Variants in EPC2 observed in about 807,000 individuals in gnomAD.
EPC2 encodes the protein enhancer of polycomb 2, also known as enhancer of polycomb homolog 2.
A neutral mutation model predicts 92.1 loss-of-function variants in EPC2; 14 were observed. The ratio of observed to expected loss-of-function variants is 0.15; its 90% confidence interval spans 0.10 to 0.24. The LOEUF (loss-of-function observed/expected upper bound fraction) is 0.24, where lower values mean the gene tolerates loss of function less well. EPC2 is among the 10% of genes least tolerant of loss of function. The probability of loss-of-function intolerance (pLI) is 1.00; values close to 1 mark genes in which losing one functional copy is unlikely to be tolerated. For missense variants in EPC2, 755 were observed against 971.5 expected (o/e 0.78, Z 2.96); for synonymous variants, 340 against 334.7 (o/e 1.02, Z -0.17).
chr2:148,688,421 G>A (rs1681573577), intron 1 of EPC2, among the ~76,000 whole-genome samples: 1 of 152,118 alleles, frequency 6.6e-6, no homozygotes, highest in African/African-American at 2.4e-5. Flanking sequence ...GTGGGATGGG[G>A]GGAGGGGGGA....
intron 1 of EPC2, among the ~76,000 whole-genome samples, chr2:148,667,748 G>A (rs934639113): frequency 6.6e-6 from 1 of 152,190 alleles, no homozygotes; most frequent in African/African-American, 2.4e-5. Flanking sequence ...TCTGTGTGAT[G>A]TTAGTTGTAG....
chr2:148,693,010 A>G (rs1302367505), intron 2 of EPC2, among the ~76,000 whole-genome samples: 1 of 152,070 alleles, frequency 6.6e-6, no homozygotes, highest in Non-Finnish European at 1.5e-5. Context: ...AGTTTCTCAG[A>G]TTTTTATATG....
intron 9 of EPC2, 23 bp from the exon 10 acceptor site, chr2:148,771,021 T>C (rs1485373946): frequency 6.3e-7 from 1 of 1,592,040 alleles, no homozygotes; most frequent in Non-Finnish European, 8.5e-7. Context: ...TCAGTTAATA[T>C]TTGGTTTTAT....
chr2:148,645,299 C>T (rs1160336109), intron 1 of EPC2, 129 bp downstream of exon 1: 4 of 828,732 alleles, frequency 4.8e-6, no homozygotes, highest in Admixed American at 6.2e-5. Context: ...GCACGGGACT[C>T]TACGCCGGCG....
chr2:148,719,560 C>G (rs558875072), intron 2 of EPC2, among the ~76,000 whole-genome samples: 42 of 152,300 alleles, frequency 2.8e-4, no homozygotes, highest in Admixed American at 2.0e-3. Flanking sequence ...GGAGGTATCA[C>G]CAGTGACGCC....
intron 2 of EPC2, among the ~76,000 whole-genome samples, chr2:148,701,431 C>T (rs776656441): frequency 2.1e-4 from 32 of 152,132 alleles, no homozygotes; most frequent in Admixed American, 5.2e-4. Context: ...AGAAATTCTC[C>T]TCTATTCTTA....
intron 2 of EPC2, among the ~76,000 whole-genome samples, chr2:148,710,980 G>A (rs542911494): frequency 2.4e-4 from 36 of 152,144 alleles, no homozygotes; most frequent in African/African-American, 7.2e-4. Flanking sequence ...ATTTCATTCA[G>A]TCTCTCTTTT....
intron 2 of EPC2, among the ~76,000 whole-genome samples, chr2:148,710,953 C>T (rs975794362): frequency 4.6e-5 from 7 of 152,112 alleles, no homozygotes; most frequent in African/African-American, 1.4e-4. Context: ...ATCTCCCCCA[C>T]GGATATCCTC....
intron 3 of EPC2, among the ~76,000 whole-genome samples, chr2:148,747,724 A>G (rs2105411239): frequency 6.6e-6 from 1 of 152,058 alleles, no homozygotes; most frequent in African/African-American, 2.4e-5. Context: ...TGACCAGGAC[A>G]TTTTCCTGAT....
intron 1 of EPC2, among the ~76,000 whole-genome samples, chr2:148,658,605 G>GTATA (rs1410626325): frequency 1.1e-3 from 22 of 20,698 alleles, no homozygotes; most frequent in Admixed American, 2.6e-3. Flanking sequence ...GTGTGTGTGT[G>GTATA]TGTATATATA....
intron 2 of EPC2, among the ~76,000 whole-genome samples, chr2:148,720,208 T>C (rs546996733): frequency 6.6e-6 from 1 of 152,344 alleles, no homozygotes; most frequent in African/African-American, 2.4e-5. Context: ...AGAAGTAATC[T>C]GGTCAATATC....
intron 2 of EPC2, chr2:148,692,166 T>C (rs1681659325): frequency 4.5e-6 from 1 of 220,766 alleles, no homozygotes; most frequent in Admixed American, 5.3e-5. Context: ...TTGGATGTGC[T>C]ATTGAAGTCT....
chr2:148,762,889 G>C (rs1683330240), intron 6 of EPC2, 87 bp downstream of exon 6: 10 of 1,413,228 alleles, frequency 7.1e-6, no homozygotes, highest in Admixed American at 2.7e-5. Context: ...AATATGGTTT[G>C]AGTAAAGAAA....
rs185129998 is a variant in EPC2, at chr2:148,704,522, G to A, written c.313+14149G>A. ...AGTTGAGGGTACTTTTATGCTATAT[G>A]TATTTCAACACAATAAAAAATGAAA... On this transcript the variant is annotated intron_variant, in intron 2 of 13. Coordinates refer to ENST00000258484, the MANE Select transcript of EPC2 (RefSeq NM_015630.4). Among the ~76,000 whole-genome samples, 126 of 152,238 alleles carry A rather than the reference G, an allele frequency of 8.3e-4. 1 individual carries two copies. The highest frequency in any genetic ancestry group is 2.9e-3 in the African/African-American group (122 of 41,544).
intron 13 of EPC2, 44 bp from the exon 14 acceptor site, chr2:148,786,261 A>G (rs931922278): frequency 1.4e-6 from 2 of 1,433,704 alleles, no homozygotes. Context: ...GTCATGTTCT[A>G]GAGAGTATTG....
chr2:148,661,401 G>A (rs1680930285), intron 1 of EPC2, among the ~76,000 whole-genome samples: 1 of 151,982 alleles, frequency 6.6e-6, no homozygotes, highest in South Asian at 2.1e-4. Flanking sequence ...TAAATTGTTT[G>A]TCCTAGTTTT....
intron 2 of EPC2, among the ~76,000 whole-genome samples, chr2:148,691,101 T>C (rs1681636512): frequency 6.6e-6 from 1 of 152,178 alleles, no homozygotes; most frequent in South Asian, 2.1e-4. Flanking sequence ...TTAATACTCT[T>C]ACTTTTCTCC....
At chr2:148,696,824 T>C (rs1237971636) in intron 2 of EPC2, among the ~76,000 whole-genome samples, 1 of 152,194 alleles carries the variant, frequency 6.6e-6, no homozygotes, top group African/African-American at 2.4e-5. Flanking sequence ...TCCCCTACCT[T>C]AAGAGACTAA....
chr2:148,698,181 A>G (rs1051587603), intron 2 of EPC2, among the ~76,000 whole-genome samples: 5 of 152,322 alleles, frequency 3.3e-5, no homozygotes, highest in African/African-American at 4.8e-5. Flanking sequence ...ATTTAGTATT[A>G]AAAGAATTGT....
Sources: gnomAD v4.1 joint callset for allele counts (sites outside exome capture counted in the v4.1 genomes callset) on GRCh38, gnomAD v4.1.1 for gene constraint, MANE v1.5 for transcripts, NCBI Gene and HGNC (gene_info 2026-07-23, HGNC 2026-07-21) for gene names.